RASEF: variants seen among roughly 807,000 people sequenced by gnomAD.
The protein encoded by RASEF is ras and EF-hand domain-containing protein.
In RASEF, 68 loss-of-function variants were observed where a neutral mutation model predicts 90.1. That is an observed-to-expected ratio of 0.75 (90% CI 0.62 to 0.92). The LOEUF is 0.92. Among genes scored for constraint, RASEF ranks in the 40% least tolerant of loss-of-function variants. The probability of loss-of-function intolerance (pLI) is 0.00; values close to 1 mark genes in which losing one functional copy is unlikely to be tolerated. For synonymous variants in RASEF, 331 were observed against 345.2 expected (o/e 0.96, Z 0.46); for missense variants, 949 against 937.2 (o/e 1.01, Z -0.16).
At chr9:82,985,568 G>A (rs1043591629) in intron 16 of RASEF, among the ~76,000 whole-genome samples, 3 of 152,134 alleles carry the variant, frequency 2.0e-5, no homozygotes, top group African/African-American at 7.2e-5. Flanking sequence ...ACACCAATGT[G>A]GGGTTGGACG....
At chr9:83,022,257 C>A in intron 3 of RASEF, 79 bp downstream of exon 3, 1 of 1,051,790 alleles carries the variant, frequency 9.5e-7, no homozygotes, top group South Asian at 1.3e-5. Context: ...TGCATGACAC[C>A]CAGAAGAGTG....
the RASEF span, among the ~76,000 whole-genome samples, chr9:83,170,836 T>C: frequency 3.3e-5 from 5 of 152,000 alleles, no homozygotes; most frequent in East Asian, 7.7e-4. Context: ...GTCTTTAGGA[T>C]TTTTCTAAAT....
the RASEF span, among the ~76,000 whole-genome samples, chr9:83,071,379 G>A: frequency 2.0e-5 from 3 of 151,956 alleles, no homozygotes; most frequent in Non-Finnish European, 4.4e-5. Context: ...TTAAATGATC[G>A]TGTTGTTTTT....
intron 1 of RASEF, among the ~76,000 whole-genome samples, chr9:83,047,518 C>T (rs1829955345): frequency 6.6e-6 from 1 of 152,096 alleles, no homozygotes; most frequent in Non-Finnish European, 1.5e-5. Flanking sequence ...CTGTGACAGC[C>T]AAGTACTTCC....
chr9:83,003,331 G>T (rs1328244475), intron 9 of RASEF, among the ~76,000 whole-genome samples: 1 of 152,172 alleles, frequency 6.6e-6, no homozygotes, highest in Non-Finnish European at 1.5e-5. Flanking sequence ...CTGGGGACGT[G>T]ATGACTTTGT....
At chr9:83,093,053 A>G in the RASEF span, among the ~76,000 whole-genome samples, 1 of 151,992 alleles carries the variant, frequency 6.6e-6, no homozygotes, top group South Asian at 2.1e-4. Flanking sequence ...GCCCCACCTG[A>G]GTAGCTAGAT....
chr9:83,211,868 G>T, the RASEF span, among the ~76,000 whole-genome samples: 1 of 152,126 alleles, frequency 6.6e-6, no homozygotes, highest in Non-Finnish European at 1.5e-5. Flanking sequence ...GTGGCTTTTG[G>T]AAGCCCAGCG....
the RASEF span, among the ~76,000 whole-genome samples, chr9:83,164,649 A>G: frequency 6.6e-6 from 1 of 151,474 alleles, no homozygotes; most frequent in African/African-American, 2.4e-5. Flanking sequence ...AACAAACAAA[A>G]ATGGTAACAG....
chr9:83,013,541 T>C lies in RASEF; in HGVS notation c.766-1030A>G, dbSNP rs557731225. Among the ~76,000 whole-genome samples, 328 of 152,340 alleles carry C rather than the reference T, an allele frequency of 2.2e-3. 5 individuals carry two copies. The highest frequency in any genetic ancestry group is 3.5e-3 in the Non-Finnish European group (235 of 68,024). ...TCAAGGACACAGTTAGTGGCAATTGTAACAAATTTGTAAACTATAGCCCTT... is the reference window on the plus strand; with the variant it reads ...TCAAGGACACAGTTAGTGGCAATTGCAACAAATTTGTAAACTATAGCCCTT... On this transcript the variant is annotated intron_variant, in intron 4 of 16. Transcript: ENST00000376447.
intron 8 of RASEF, among the ~76,000 whole-genome samples, chr9:83,005,022 C>T (rs1457432091): frequency 1.3e-5 from 2 of 152,142 alleles, no homozygotes; most frequent in Non-Finnish European, 2.9e-5. Context: ...CAAATGCAGT[C>T]TGGGAGAGGT....
At chr9:83,014,639 T>C (rs1020382541) in intron 4 of RASEF, among the ~76,000 whole-genome samples, 3 of 152,104 alleles carry the variant, frequency 2.0e-5, no homozygotes, top group Non-Finnish European at 2.9e-5. Context: ...TTTTTAATTA[T>C]CCATTTTCAT....
chr9:82,987,923 G>A (rs1306611956), intron 16 of RASEF, among the ~76,000 whole-genome samples: 6 of 152,152 alleles, frequency 3.9e-5, no homozygotes, highest in African/African-American at 7.2e-5. Context: ...AATATGCTGG[G>A]GAGCAGCTAG....
intron 1 of RASEF, among the ~76,000 whole-genome samples, chr9:83,035,829 C>T (rs1338062433): frequency 6.6e-6 from 1 of 152,160 alleles, no homozygotes. Context: ...CTGTCACCTT[C>T]CCAGATTTAG....
intron 14 of RASEF, among the ~76,000 whole-genome samples, chr9:82,994,242 G>T (rs577710920): frequency 3.3e-5 from 5 of 152,148 alleles, no homozygotes; most frequent in Non-Finnish European, 7.3e-5. Flanking sequence ...TAATGCGCTC[G>T]TTAATTGTGT....
At chr9:83,029,684 TACAGGCGTGTGCCAAC>T (rs945988140) in intron 1 of RASEF, among the ~76,000 whole-genome samples, 2 of 151,488 alleles carry the variant, frequency 1.3e-5, no homozygotes, top group African/African-American at 4.8e-5. Flanking sequence ...GTGCTGGGAT[TACAGGCGTGTGCCAAC>T]ACGCCTGGCC....
chr9:83,039,298 T>C (rs1829796986), intron 1 of RASEF, among the ~76,000 whole-genome samples: 1 of 152,144 alleles, frequency 6.6e-6, no homozygotes, highest in African/African-American at 2.4e-5. Flanking sequence ...TGTGGCTGTT[T>C]TACCTTCCCA....
chr9:83,025,171 G>A (rs1006669186), intron 2 of RASEF, among the ~76,000 whole-genome samples: 6 of 152,196 alleles, frequency 3.9e-5, no homozygotes, highest in African/African-American at 1.4e-4. Context: ...TAAATGGACT[G>A]TATTAGAGTA....
At chr9:83,028,114 T>C (rs942547161) in intron 1 of RASEF, among the ~76,000 whole-genome samples, 13 of 152,210 alleles carry the variant, frequency 8.5e-5, no homozygotes, top group African/African-American at 3.1e-4. Context: ...CTTACCATAA[T>C]ACCAGCATCA....
At chr9:83,055,882 G>A (rs760531185) in intron 1 of RASEF, among the ~76,000 whole-genome samples, 26 of 152,356 alleles carry the variant, frequency 1.7e-4, no homozygotes, top group Middle Eastern at 3.4e-3. Context: ...AGTCCAGAAT[G>A]AGTGGTGTTT....
Sources: allele counts gnomAD v4.1 joint callset (sites outside exome capture counted in the v4.1 genomes callset), GRCh38; gene constraint gnomAD v4.1.1; transcripts MANE v1.5; gene names NCBI Gene and HGNC (gene_info 2026-07-23, HGNC 2026-07-21).